Variants in FBXL7 observed in about 807,000 individuals in gnomAD.
The protein encoded by FBXL7 is F-box and leucine rich repeat protein 7.
In FBXL7, 12 loss-of-function variants were observed where a neutral mutation model predicts 38.3. The ratio of observed to expected loss-of-function variants is 0.31; its 90% CI spans 0.20 to 0.51. The LOEUF is 0.51. Ranked by LOEUF, FBXL7 falls within the 20% of genes least tolerant of loss-of-function variation. The pLI, the probability that FBXL7 is intolerant of heterozygous loss-of-function variation, is 0.98. For missense variants in FBXL7, 567 were observed against 676.4 expected (o/e 0.84, Z 1.79); for synonymous variants, 297 against 300.9 (o/e 0.99, Z 0.13).
chr5:15,841,994 G>A (rs931447424), intron 2 of FBXL7, among the ~76,000 whole-genome samples: 19 of 152,172 alleles, frequency 1.2e-4, no homozygotes, highest in African/African-American at 4.6e-4. Flanking sequence ...TGGGATTGGA[G>A]ACCCAACACC....
intron 2 of FBXL7, among the ~76,000 whole-genome samples, chr5:15,845,795 C>T (rs7709575): frequency 1.3e-5 from 2 of 151,638 alleles, no homozygotes; most frequent in South Asian, 4.1e-4. Context: ...CACGGTGAAA[C>T]CCCGTCTCTA....
chr5:15,767,142 C>T (rs1579445893), intron 2 of FBXL7, among the ~76,000 whole-genome samples: 1 of 152,318 alleles, frequency 6.6e-6, no homozygotes, highest in East Asian at 1.9e-4. Context: ...AGCTATTCTT[C>T]CTGATGCTCT....
At chr5:15,545,454 CT>C (rs1263081536) in intron 1 of FBXL7, among the ~76,000 whole-genome samples, 1 of 152,228 alleles carries the variant, frequency 6.6e-6, no homozygotes, top group Admixed American at 6.5e-5. Context: ...CTTCTGGACA[CT>C]ACAGTCTAGT....
chr5:15,769,493 G>A (rs148600211), intron 2 of FBXL7, among the ~76,000 whole-genome samples: 2 of 152,280 alleles, frequency 1.3e-5, no homozygotes, highest in East Asian at 3.9e-4. Context: ...TAGTCCCCAT[G>A]CAAATGACTG....
chr5:15,547,274 T>C (rs1258143914), intron 1 of FBXL7, among the ~76,000 whole-genome samples: 1 of 152,150 alleles, frequency 6.6e-6, no homozygotes. Context: ...TTAGAGAAAA[T>C]GAAGAAAACT....
At chr5:15,852,716 A>G (rs1259532976) in intron 2 of FBXL7, among the ~76,000 whole-genome samples, 2 of 152,010 alleles carry the variant, frequency 1.3e-5, no homozygotes, top group Non-Finnish European at 2.9e-5. Context: ...ATATGCCTAC[A>G]TAGATCTCCT....
chr5:15,868,743 C>T (rs1739824708), intron 2 of FBXL7, among the ~76,000 whole-genome samples: 1 of 152,176 alleles, frequency 6.6e-6, no homozygotes, highest in Non-Finnish European at 1.5e-5. Context: ...TCACCTCTGT[C>T]AAGTTTCCAT....
intron 2 of FBXL7, among the ~76,000 whole-genome samples, chr5:15,888,023 T>C (rs911853389): frequency 3.9e-5 from 6 of 152,080 alleles, no homozygotes; most frequent in Admixed American, 3.3e-4. Context: ...TGAACACTTT[T>C]CCTCAAAAAT....
chr5:15,887,213 A>G (rs550397416), intron 2 of FBXL7, among the ~76,000 whole-genome samples: 1 of 152,290 alleles, frequency 6.6e-6, no homozygotes, highest in Admixed American at 6.5e-5. Flanking sequence ...TGTGTTTTGG[A>G]AACTCGATCC....
chr5:15,840,525 T>C (rs1738716678), intron 2 of FBXL7, among the ~76,000 whole-genome samples: 1 of 152,154 alleles, frequency 6.6e-6, no homozygotes. Context: ...ATATTGAACA[T>C]TTTCTGCCTC....
intron 1 of FBXL7, among the ~76,000 whole-genome samples, chr5:15,504,033 C>T (rs1736574622): frequency 2.6e-5 from 4 of 152,220 alleles, no homozygotes; most frequent in Admixed American, 2.0e-4. Flanking sequence ...CAAGGACTAG[C>T]GCTATCCGCA....
intron 2 of FBXL7, among the ~76,000 whole-genome samples, chr5:15,831,022 CAA>C (rs1346161735): frequency 6.6e-6 from 1 of 152,150 alleles, no homozygotes; most frequent in Non-Finnish European, 1.5e-5. Context: ...AATCTGAGGA[CAA>C]AATGTGAAAC....
At chr5:15,890,640 G>A (rs1740864998) in intron 2 of FBXL7, among the ~76,000 whole-genome samples, 2 of 152,132 alleles carry the variant, frequency 1.3e-5, no homozygotes, top group Non-Finnish European at 2.9e-5. Flanking sequence ...CTGATGATCT[G>A]AGATGGAAAA....
chr5:15,789,469 C>G (rs1457208971), intron 2 of FBXL7, among the ~76,000 whole-genome samples: 1 of 152,184 alleles, frequency 6.6e-6, no homozygotes, highest in Non-Finnish European at 1.5e-5. Flanking sequence ...TTCTCCACCC[C>G]ATGTCTGCTG....
intron 2 of FBXL7, among the ~76,000 whole-genome samples, chr5:15,886,474 T>C (rs1367407839): frequency 6.6e-6 from 1 of 152,158 alleles, no homozygotes; most frequent in African/African-American, 2.4e-5. Context: ...CCAAAAAGCA[T>C]TTCCTTTCTC....
chr5:15,776,495 G>A (rs914083621), intron 2 of FBXL7, among the ~76,000 whole-genome samples: 1 of 152,036 alleles, frequency 6.6e-6, no homozygotes, highest in African/African-American at 2.4e-5. Context: ...GCTTGATAAG[G>A]GCTTTTGCCA....
chr5:15,599,646 G>A (rs1003190242), intron 1 of FBXL7, among the ~76,000 whole-genome samples: 10 of 152,096 alleles, frequency 6.6e-5, no homozygotes, highest in Admixed American at 3.3e-4. Flanking sequence ...CCAATCAGAG[G>A]TACAGAAATA....
rs35879964 is a variant in FBXL7, at chr5:15,868,102, CAA to C, written c.128-59767_128-59766del. On this transcript the variant is annotated intron_variant, in intron 2 of 3. Coordinates refer to ENST00000504595, the MANE Select transcript of FBXL7 (RefSeq NM_012304.5). ...GTGGCGACAGAGCAAGACTCCGTCT[CAA>C]AAAAAAAAAAAAAAAAAAAATGGAG... Among the ~76,000 whole-genome samples the C allele has an allele frequency of 9.5e-3, 570 of 59,886 alleles. 1 individual carries two copies. The highest frequency in any genetic ancestry group is 0.028 in the African/African-American group (517 of 18,348). The allele number at this position is 59,886 out of a possible 152,430, so 39.3% of individuals were successfully genotyped here. A position where few individuals can be genotyped will look rare whatever the true frequency, so the allele number is the denominator to read the frequency against.
At chr5:15,915,896 G>A (rs990611399) in intron 2 of FBXL7, among the ~76,000 whole-genome samples, 1 of 152,160 alleles carries the variant, frequency 6.6e-6, no homozygotes, top group East Asian at 1.9e-4. Context: ...GGAAACAGAC[G>A]TGAAATCCAT....
Sources: gnomAD v4.1 joint callset for allele counts (sites outside exome capture counted in the v4.1 genomes callset) on GRCh38, gnomAD v4.1.1 for gene constraint, MANE v1.5 for transcripts, NCBI Gene and HGNC (gene_info 2026-07-23, HGNC 2026-07-21) for gene names.